The following MAP3K15 variants were observed in gnomAD, a reference collection of about 807,000 sequenced individuals.
The protein encoded by MAP3K15 is MAPK/ERK kinase kinase 15.
A neutral mutation model predicts 99.5 loss-of-function variants in MAP3K15; 124 were observed. The observed-to-expected ratio is 1.25, with a 90% CI of 1.08 to 1.45. The LOEUF (loss-of-function observed/expected upper bound fraction) is 1.45. MAP3K15 is among the 40% of genes most tolerant of loss of function. The probability of loss-of-function intolerance (pLI) is 0.00; values close to 1 mark genes in which losing one functional copy is unlikely to be tolerated. For synonymous variants in MAP3K15, 494 were observed against 439.6 expected, an observed-to-expected ratio of 1.12 and a Z score of -1.55; for missense variants, 1,242 against 1,079.7, an observed-to-expected ratio of 1.15 and a Z score of -2.11.
At chrX:19,376,030 A>G (rs1272777940) in intron 19 of MAP3K15, among the ~76,000 whole-genome samples, 5 of 111,954 alleles carry the variant, frequency 4.5e-5, no homozygotes, top group Non-Finnish European at 9.4e-5. Context: ...CAAGAACATG[A>G]AAAGGAAAGG....
At chrX:19,436,469 C>T (rs975471800) in intron 6 of MAP3K15, among the ~76,000 whole-genome samples, 5 of 111,226 alleles carry the variant, frequency 4.5e-5, no homozygotes, top group African/African-American at 1.3e-4. Flanking sequence ...TTGGCAGTAC[C>T]CTTGGACATT....
intron 1 of MAP3K15, among the ~76,000 whole-genome samples, chrX:19,491,059 G>A (rs1056150263): frequency 9.0e-6 from 1 of 111,369 alleles, no homozygotes; most frequent in Non-Finnish European, 1.9e-5. Context: ...AGTTGAACAA[G>A]GGCGTGAAGA....
At chrX:19,479,335 A>T (rs987610760) in intron 3 of MAP3K15, among the ~76,000 whole-genome samples, 2 of 110,882 alleles carry the variant, frequency 1.8e-5, no homozygotes, top group African/African-American at 6.6e-5. Flanking sequence ...TGGCCATTTC[A>T]TCCCAACCCA....
chrX:19,375,455 G>C (rs1265356528), intron 19 of MAP3K15, among the ~76,000 whole-genome samples: 1 of 112,143 alleles, frequency 8.9e-6, no homozygotes, highest in Non-Finnish European at 1.9e-5. Flanking sequence ...CTGTAGGGAA[G>C]TAAGAGTTGG....
chrX:19,371,663 G>T (rs980022891), intron 22 of MAP3K15, 133 bp from the exon 23 acceptor site: 4 of 568,671 alleles, frequency 7.0e-6, no homozygotes, highest in African/African-American at 2.3e-5. Context: ...GTCTCTGTTT[G>T]TTCCCTCCAT....
chrX:19,459,919 A>C, intron 5 of MAP3K15, 66 bp downstream of exon 5: 1 of 906,550 alleles, frequency 1.1e-6, no homozygotes, highest in East Asian at 3.4e-5. Context: ...CAAATACTTC[A>C]CAAGACGTTC....
intron 3 of MAP3K15, 102 bp from the exon 4 acceptor site, chrX:19,464,508 G>A: frequency 1.7e-6 from 1 of 586,796 alleles, no homozygotes. Context: ...AAATACTTGA[G>A]GATGAAAACA....
At chrX:19,494,937 A>G (rs1469260856) in intron 1 of MAP3K15, among the ~76,000 whole-genome samples, 2 of 109,642 alleles carry the variant, frequency 1.8e-5, no homozygotes, top group Non-Finnish European at 3.8e-5. Flanking sequence ...CTCCTACCAT[A>G]ATTTAGATCT....
chrX:19,455,714 A>T lies in MAP3K15; in HGVS notation c.995+1199T>A, dbSNP rs779198487. ...TCTTTTGTTATTTTGAGAAAATGGC[A>T]ATCTATTATTTCATTCTCTGTCTGA... On this transcript the variant is annotated intron_variant, in intron 6 of 28. Coordinates refer to ENST00000338883, the MANE Select transcript of MAP3K15 (RefSeq NM_001001671.4). Among the ~76,000 whole-genome samples the T allele has an allele frequency of 7.4e-5, 8 of 108,374 alleles. No homozygotes were observed. In the South Asian group the frequency reaches 1.6e-3, roughly 22 times the overall value. 94.1% of individuals were successfully genotyped at this position (108,374 alleles called of 115,157 possible). A position where few individuals can be genotyped will look rare whatever the true frequency, so the allele number is the denominator to read the frequency against.
chrX:19,505,896 G>A (rs1244452056), intron 1 of MAP3K15, among the ~76,000 whole-genome samples: 1 of 109,109 alleles, frequency 9.2e-6, no homozygotes, highest in Non-Finnish European at 1.9e-5. Flanking sequence ...ACAAGTGCAC[G>A]CCACCACGCA....
At chrX:19,412,135 C>A (rs2063693609) in intron 11 of MAP3K15, among the ~76,000 whole-genome samples, 1 of 112,045 alleles carries the variant, frequency 8.9e-6, no homozygotes, top group Admixed American at 9.5e-5. Flanking sequence ...CAGCCACCTG[C>A]AGGAGGCTGC....
chrX:19,497,547 C>CA (rs2064414549), intron 1 of MAP3K15: 1 of 111,971 alleles, frequency 8.9e-6, no homozygotes, highest in Admixed American at 9.6e-5. Context: ...TTGTGAACAT[C>CA]AAAATGGTCT....
At chrX:19,507,575 CAAAAAAAAAA>C (rs1165492097) in intron 1 of MAP3K15, among the ~76,000 whole-genome samples, 4 of 10,891 alleles carry the variant, frequency 3.7e-4, no homozygotes, top group East Asian at 4.9e-3. Context: ...CACCTTGTCT[CAAAAAAAAAA>C]AAAAAAAAAA....
Position 19,482,179 on chromosome X carries a change from C to CAAAAAAAAAAAAAAAAAAAAAAAA in MAP3K15, c.525+4302_525+4303insTTTTTTTTTTTTTTTTTTTTTTTT, listed in dbSNP as rs34191166. 2.9e-4 allele frequency: 9 copies of CAAAAAAAAAAAAAAAAAAAAAAAA among 31,463 alleles called. 1 individual carries two copies. The highest frequency in any genetic ancestry group is 9.6e-4 in the African/African-American group (9 of 9,379). The allele number at this position is 31,463 out of a possible 1,213,427, so 2.6% of individuals were successfully genotyped here. A position where few individuals can be genotyped will look rare whatever the true frequency, so the allele number is the denominator to read the frequency against. ...TGGGCGACAGAGTGAGATTCCAGCT[C>CAAAAAAAAAAAAAAAAAAAAAAAA]AAAAAAAAAAAAAAAAAGCCTATAT... On this transcript the variant is annotated intron_variant, in intron 3 of 28. Transcript: ENST00000338883.
chrX:19,392,359 A>G lies in MAP3K15; in HGVS notation c.2309T>C (p.Val770Ala), dbSNP rs2147246967. The change falls in exon 17 of 29, where the codon GTG (valine) becomes GCG (alanine). Residue 770 changes from valine (V) to alanine (A), a missense_variant. Transcript: ENST00000338883. ...AGCAAGTACCTTTATGTCTCTGTGC[A>G]CGATCTGGTTTTCATGAAGATACTT... ...GLKYLHENQI[V>A]HRDIKGDNVL... 1.7e-6 allele frequency: 2 copies of G among 1,208,693 alleles called. No homozygotes were observed. Among genetic ancestry groups the G allele is most frequent in the Non-Finnish European group, 2.2e-6 (2 of 894,410 alleles).
At chrX:19,502,746 G>A (rs73631339) in intron 1 of MAP3K15, among the ~76,000 whole-genome samples, 40 of 111,943 alleles carry the variant, frequency 3.6e-4, no homozygotes, top group African/African-American at 1.1e-3. Flanking sequence ...ACTTGAGCCC[G>A]GGAAAGTGGA....
At chrX:19,440,021 G>A (rs2063948405) in intron 6 of MAP3K15, among the ~76,000 whole-genome samples, 1 of 111,180 alleles carries the variant, frequency 9.0e-6, no homozygotes, top group Non-Finnish European at 1.9e-5. Context: ...AGAAGCCAGC[G>A]CAGTTTCTTC....
At position 19,488,778 on chromosome X, in the gene MAP3K15, A is replaced by G. The variant is rs755356931; in HGVS notation, c.501+50T>C. On this transcript the variant is annotated intron_variant, in intron 2 of 28. Coordinates refer to ENST00000338883, the MANE Select transcript of MAP3K15 (RefSeq NM_001001671.4). Reference sequence around the variant, plus strand: ...CTGTGGCATTTCAGCTAGACATATAATTCTGCTTTCCCAAAACAAAGTACT... The same window carrying G: ...CTGTGGCATTTCAGCTAGACATATAGTTCTGCTTTCCCAAAACAAAGTACT... 9 of 1,136,397 alleles carry G rather than the reference A, an allele frequency of 7.9e-6. No individual in the cohort carries two copies. In the South Asian group the frequency reaches 9.9e-5, roughly 13 times the overall value. The allele number at this position is 1,136,397 out of a possible 1,213,427, so 93.7% of individuals were successfully genotyped here.
At chrX:19,391,788 G>A (rs757093861) in intron 18 of MAP3K15, among the ~76,000 whole-genome samples, 1 of 111,298 alleles carries the variant, frequency 9.0e-6, no homozygotes, top group Non-Finnish European at 1.9e-5. Context: ...GAAGAAAGTA[G>A]GGCAATCTTG....
Sources: gnomAD v4.1 joint callset for allele counts (sites outside exome capture counted in the v4.1 genomes callset) on GRCh38, gnomAD v4.1.1 for gene constraint, MANE v1.5 for transcripts, NCBI Gene and HGNC (gene_info 2026-07-23, HGNC 2026-07-21) for gene names.